CFAP54: variants seen among roughly 807,000 people sequenced by gnomAD.
The protein encoded by CFAP54 is cilia- and flagella-associated protein 54.
Under a neutral mutation model 370.4 loss-of-function variants are expected in CFAP54, and 290 were observed. That is an observed-to-expected ratio of 0.78 (90% CI 0.71 to 0.86). The LOEUF is 0.86. CFAP54 is among the 40% of genes least tolerant of loss of function. The pLI, the probability that CFAP54 is intolerant of heterozygous loss-of-function variation, is 0.00. For synonymous variants in CFAP54, 1,206 were observed against 1,236.5 expected (o/e 0.98, Z 0.52); for missense variants, 3,399 against 3,528.7 (o/e 0.96, Z 0.93).
chr12:96,490,734 T>C (rs907424888), intron 1 of CFAP54, among the ~76,000 whole-genome samples: 7 of 152,060 alleles, frequency 4.6e-5, no homozygotes, highest in African/African-American at 1.7e-4. Context: ...ATATTTTTTA[T>C]TTATGCATAT....
intron 17 of CFAP54, among the ~76,000 whole-genome samples, chr12:96,562,370 T>C (rs1441434853): frequency 6.6e-6 from 1 of 152,058 alleles, no homozygotes; most frequent in African/African-American, 2.4e-5. Flanking sequence ...TTGAATTCTA[T>C]TTTTAATTTT....
chr12:96,629,919 A>G (rs1956587769), intron 30 of CFAP54, among the ~76,000 whole-genome samples, 174 bp from the exon 31 acceptor site: 1 of 152,204 alleles, frequency 6.6e-6, no homozygotes, highest in African/African-American at 2.4e-5. Context: ...TGCTCTTTTG[A>G]GAGACCAGCT....
chr12:96,803,445 C>G (rs1367310519), intron 63 of CFAP54, among the ~76,000 whole-genome samples: 1 of 152,000 alleles, frequency 6.6e-6, no homozygotes, highest in Non-Finnish European at 1.5e-5. Context: ...CTCCAGGATT[C>G]ACTAACACTG....
chr12:96,660,932 A>G (rs1277337868), intron 38 of CFAP54, among the ~76,000 whole-genome samples: 1 of 152,164 alleles, frequency 6.6e-6, no homozygotes, highest in Non-Finnish European at 1.5e-5. Flanking sequence ...CCAGTTTATT[A>G]TAAGGAAAAT....
At chr12:96,506,880 C>G in intron 3 of CFAP54, 48 bp from the exon 4 acceptor site, 5 of 1,477,208 alleles carry the variant, frequency 3.4e-6, no homozygotes, top group Non-Finnish European at 4.5e-6. Flanking sequence ...AGCTACTGTT[C>G]CTGGCCAGTT....
intron 34 of CFAP54, among the ~76,000 whole-genome samples, chr12:96,649,237 G>T (rs1393223636): frequency 1.3e-5 from 2 of 152,168 alleles, no homozygotes; most frequent in Admixed American, 6.5e-5. Flanking sequence ...ATCATACTGT[G>T]TATAGTGAAG....
chr12:96,585,588 C>G (rs902839260), intron 22 of CFAP54, among the ~76,000 whole-genome samples: 1 of 152,180 alleles, frequency 6.6e-6, no homozygotes, highest in African/African-American at 2.4e-5. Context: ...TCCCAAGGTG[C>G]TGGGATTACA....
At chr12:96,589,398 A>G (rs1161266516) in intron 22 of CFAP54, 29 bp from the exon 23 acceptor site, 1 of 1,483,134 alleles carries the variant, frequency 6.7e-7, no homozygotes, top group Non-Finnish European at 9.1e-7. Flanking sequence ...GAATAAAACT[A>G]TTACATAAAT....
At chr12:96,562,640 G>C (rs1955827943) in intron 17 of CFAP54, among the ~76,000 whole-genome samples, 1 of 151,864 alleles carries the variant, frequency 6.6e-6, no homozygotes, top group African/African-American at 2.4e-5. Context: ...ATGTTGGCCA[G>C]GCTGGTCTCG....
intron 34 of CFAP54, 96 bp downstream of exon 34, chr12:96,648,113 T>C: frequency 2.3e-6 from 2 of 872,882 alleles, no homozygotes; most frequent in Non-Finnish European, 3.1e-6. Context: ...CACAAATGTA[T>C]ACACCCAGTT....
At chr12:96,866,927 C>T (rs147412921) in intron 67 of CFAP54, among the ~76,000 whole-genome samples, 4 of 152,256 alleles carry the variant, frequency 2.6e-5, no homozygotes, top group African/African-American at 7.2e-5. Context: ...CTAAGTGTAA[C>T]ATAGACAGGC....
chr12:96,580,002 A>G (rs1956016414), intron 20 of CFAP54, among the ~76,000 whole-genome samples: 1 of 151,696 alleles, frequency 6.6e-6, no homozygotes, highest in African/African-American at 2.4e-5. Context: ...TTATCATCCA[A>G]ATCCTACTGC....
chr12:96,626,262 C>T (rs771712130), intron 29 of CFAP54, among the ~76,000 whole-genome samples: 3 of 151,472 alleles, frequency 2.0e-5, no homozygotes, highest in African/African-American at 4.8e-5. Context: ...GGTGGGTGCC[C>T]GTAATCCCAG....
intron 63 of CFAP54, among the ~76,000 whole-genome samples, chr12:96,804,483 T>TA (rs1051574885): frequency 2.0e-4 from 30 of 152,258 alleles, no homozygotes; most frequent in African/African-American, 7.2e-4. Flanking sequence ...AATAATGATC[T>TA]AACCGAGGAC....
chr12:96,835,736 C>T (rs1959184101), intron 66 of CFAP54, among the ~76,000 whole-genome samples: 1 of 152,104 alleles, frequency 6.6e-6, no homozygotes, highest in Non-Finnish European at 1.5e-5. Flanking sequence ...GAGTGGGGAT[C>T]CTGCCTGTTC....
intron 22 of CFAP54, among the ~76,000 whole-genome samples, chr12:96,581,673 AATATAT>A (rs3055725): frequency 3.3e-5 from 5 of 149,924 alleles, no homozygotes; most frequent in Non-Finnish European, 5.9e-5. Flanking sequence ...CTATCTAATT[AATATAT>A]ATATATATAT....
chr12:96,512,333 A>ATATG (rs1174421993), intron 4 of CFAP54, among the ~76,000 whole-genome samples: 1 of 37,426 alleles, frequency 2.7e-5, no homozygotes, highest in Admixed American at 2.0e-4. Flanking sequence ...ATATATATAT[A>ATATG]TATATATATA....
chr12:96,667,472 T>G (rs1957095125), intron 39 of CFAP54, among the ~76,000 whole-genome samples: 1 of 152,222 alleles, frequency 6.6e-6, no homozygotes. Flanking sequence ...TCTGTGCACC[T>G]GCAGACTCAA....
chr12:96,651,938 C>T, intron 36 of CFAP54, 123 bp downstream of exon 36: 1 of 653,930 alleles, frequency 1.5e-6, no homozygotes, highest in Non-Finnish European at 2.5e-6. Flanking sequence ...ATTTCATTTG[C>T]TTCTCATTAT....
Sources: gnomAD v4.1 joint callset for allele counts (sites outside exome capture counted in the v4.1 genomes callset) on GRCh38, gnomAD v4.1.1 for gene constraint, MANE v1.5 for transcripts, NCBI Gene and HGNC (gene_info 2026-07-23, HGNC 2026-07-21) for gene names.